The following CHRM2 variants were observed in gnomAD, a reference collection of about 807,000 sequenced individuals.
CHRM2 encodes the protein muscarinic acetylcholine receptor M2.
CHRM2 carries 8 observed loss-of-function variants against 25.0 expected under a neutral mutation model. That is an observed-to-expected ratio of 0.32 (90% CI 0.19 to 0.58). The LOEUF (loss-of-function observed/expected upper bound fraction) is 0.58, where lower values mean the gene tolerates loss of function less well. Among genes scored for constraint, CHRM2 ranks in the 20% least tolerant of loss-of-function variants. The pLI, the probability that CHRM2 is intolerant of heterozygous loss-of-function variation, is 0.88. For synonymous variants in CHRM2, 202 were observed against 205.7 expected, an observed-to-expected ratio of 0.98 and a Z score of 0.15; for missense variants, 440 against 567.1, an observed-to-expected ratio of 0.78 and a Z score of 2.28.
At chr7:136,949,299 A>G (rs1432958010) in intron 2 of CHRM2, among the ~76,000 whole-genome samples, 3 of 152,052 alleles carry the variant, frequency 2.0e-5, no homozygotes, top group African/African-American at 7.2e-5. Context: ...TTCTTCCATA[A>G]TTATTAATGT....
At position 137,016,277 on chromosome 7, in the gene CHRM2, A is replaced by C; in HGVS notation, c.*11A>C. 6.2e-7 allele frequency: 1 copy of C among 1,610,192 alleles called. No homozygotes were observed. Among genetic ancestry groups the C allele is most frequent in the African/African-American group, 1.3e-5 (1 of 74,868 alleles). ...GGCGCTACAAGGTAAAATATCTTTG[A>C]AAAAGATAGAAGGTGGGCAAGGGGA... On this transcript the variant is annotated 3_prime_UTR_variant, in exon 4 of 4. Coordinates refer to ENST00000680005, the MANE Select transcript of CHRM2 (RefSeq NM_001006630.2).
At chr7:136,967,719 C>T (rs1801504398) in intron 2 of CHRM2, among the ~76,000 whole-genome samples, 1 of 151,866 alleles carries the variant, frequency 6.6e-6, no homozygotes, top group African/African-American at 2.4e-5. Context: ...TACTATTAGA[C>T]TTTTTGCTCT....
At chr7:136,952,481 T>A (rs1246539619) in intron 2 of CHRM2, among the ~76,000 whole-genome samples, 2 of 152,198 alleles carry the variant, frequency 1.3e-5, no homozygotes, top group African/African-American at 4.8e-5. Flanking sequence ...ACTTCAGTCA[T>A]GAAGTTCTGG....
chr7:136,946,419 C>T (rs1245202268), intron 2 of CHRM2, among the ~76,000 whole-genome samples: 1 of 152,162 alleles, frequency 6.6e-6, no homozygotes, highest in Non-Finnish European at 1.5e-5. Flanking sequence ...TTTCCCTCAA[C>T]ATTTTTACAA....
chr7:137,008,322 T>A lies in CHRM2; in HGVS notation c.-46-6498T>A, dbSNP rs373159092. Among the ~76,000 whole-genome samples, 76 of 152,188 alleles carry A rather than the reference T, an allele frequency of 5.0e-4. 1 individual carries two copies. Among genetic ancestry groups the A allele is most frequent in the African/African-American group, 1.3e-3 (56 of 41,562 alleles). ...CAGAATTGCTGCCATATTTGCATGATCATTATATTTTTTATGTTTTCTTTA... is the reference window on the plus strand; with the variant it reads ...CAGAATTGCTGCCATATTTGCATGAACATTATATTTTTTATGTTTTCTTTA... On this transcript the variant is annotated intron_variant, in intron 3 of 3. Coordinates refer to ENST00000680005, the MANE Select transcript of CHRM2 (RefSeq NM_001006630.2).
intron 2 of CHRM2, among the ~76,000 whole-genome samples, chr7:136,949,921 C>T (rs1800303687): frequency 6.6e-6 from 1 of 152,014 alleles, no homozygotes; most frequent in Admixed American, 6.6e-5. Flanking sequence ...AACTATTCAC[C>T]TTCATGAGAT....
chr7:136,920,090 A>C (rs1335610317), intron 2 of CHRM2, among the ~76,000 whole-genome samples: 5 of 151,668 alleles, frequency 3.3e-5, no homozygotes, highest in African/African-American at 1.2e-4. Context: ...GTGACATTTC[A>C]ACCTTATATG....
chr7:136,978,445 T>A (rs1000231400), intron 2 of CHRM2, among the ~76,000 whole-genome samples: 4 of 152,130 alleles, frequency 2.6e-5, no homozygotes, highest in African/African-American at 9.7e-5. Flanking sequence ...ACAGGAGATT[T>A]ATTAGCGCAT....
intron 3 of CHRM2, among the ~76,000 whole-genome samples, chr7:136,993,481 G>A (rs1391265417): frequency 1.3e-5 from 2 of 152,126 alleles, no homozygotes; most frequent in African/African-American, 2.4e-5. Flanking sequence ...GCTCCCTGAG[G>A]TCAGGGGAGA....
At chr7:136,968,049 T>G (rs1355223441) in intron 2 of CHRM2, among the ~76,000 whole-genome samples, 1 of 152,084 alleles carries the variant, frequency 6.6e-6, no homozygotes, top group African/African-American at 2.4e-5. Context: ...CACTTAAATT[T>G]TAATTGAAAA....
intron 2 of CHRM2, among the ~76,000 whole-genome samples, chr7:136,878,641 T>G (rs964622630): frequency 4.6e-5 from 7 of 151,894 alleles, no homozygotes; most frequent in African/African-American, 1.7e-4. Flanking sequence ...TTTACCAAAT[T>G]TTAGAACCTA....
At chr7:136,919,948 T>TC (rs1335728716) in intron 2 of CHRM2, among the ~76,000 whole-genome samples, 3 of 152,280 alleles carry the variant, frequency 2.0e-5, no homozygotes, top group African/African-American at 7.2e-5. Flanking sequence ...GTCTTTTTTT[T>TC]CCCTGTATTC....
chr7:137,016,422 C>A lies in CHRM2; in HGVS notation c.*156C>A. 1.3e-6 allele frequency: 1 copy of A among 794,332 alleles called. No homozygotes were observed. The highest frequency in any genetic ancestry group is 2.0e-6 in the Non-Finnish European group (1 of 491,896). The allele number at this position is 794,332 out of a possible 1,614,324, so 49.2% of individuals were successfully genotyped here. A position where few individuals can be genotyped will look rare whatever the true frequency, so the allele number is the denominator to read the frequency against. On this transcript the variant is annotated 3_prime_UTR_variant, in exon 4 of 4. Coordinates refer to ENST00000680005, the MANE Select transcript of CHRM2 (RefSeq NM_001006630.2). ...CCCAGCAGTGACACACTTATCACGC[C>A]TAGGCTCCAGTTTGCAAAAATTGCA... is the stretch of plus-strand genomic sequence containing the variant.
chr7:136,894,956 T>G (rs1319731750), intron 2 of CHRM2, among the ~76,000 whole-genome samples: 1 of 152,140 alleles, frequency 6.6e-6, no homozygotes, highest in Non-Finnish European at 1.5e-5. Context: ...GAGGTTTTTT[T>G]GTTTGTTTCT....
chr7:136,961,688 TCAAA>T (rs58942657), intron 2 of CHRM2, among the ~76,000 whole-genome samples: 35,620 of 151,880 alleles, frequency 0.23, 5,217 homozygotes, highest in Non-Finnish European at 0.33. Flanking sequence ...AGGTAAATTC[TCAAA>T]CATTTTTTAA....
intron 2 of CHRM2, among the ~76,000 whole-genome samples, chr7:136,929,512 C>T (rs1412421196): frequency 1.3e-5 from 2 of 152,028 alleles, no homozygotes; most frequent in Non-Finnish European, 2.9e-5. Flanking sequence ...AAAGAGAGTC[C>T]TCCTTTTCAC....
intron 2 of CHRM2, among the ~76,000 whole-genome samples, chr7:136,935,944 G>C (rs1427830393): frequency 6.6e-6 from 1 of 152,056 alleles, no homozygotes; most frequent in East Asian, 1.9e-4. Context: ...ATACACTACA[G>C]TTCCTCCCAT....
intron 2 of CHRM2, among the ~76,000 whole-genome samples, chr7:136,935,148 T>A (rs1196683199): frequency 1.3e-5 from 2 of 152,114 alleles, no homozygotes; most frequent in Non-Finnish European, 2.9e-5. Flanking sequence ...AATTGCAGAT[T>A]TTTGCTCTAC....
At chr7:136,871,074 G>A in intron 2 of CHRM2, 1 of 153,616 alleles carries the variant, frequency 6.5e-6, no homozygotes, top group Non-Finnish European at 1.5e-5. Flanking sequence ...GCGGTCCGGC[G>A]CGCAGCCCCT....
Sources: allele counts gnomAD v4.1 joint callset (sites outside exome capture counted in the v4.1 genomes callset), GRCh38; gene constraint gnomAD v4.1.1; transcripts MANE v1.5; gene names NCBI Gene and HGNC (gene_info 2026-07-23, HGNC 2026-07-21).